SLC34A2: variants seen among roughly 807,000 people sequenced by gnomAD.
The protein encoded by SLC34A2 is sodium-dependent phosphate transport protein 2B.
In SLC34A2, 41 loss-of-function variants were observed where a neutral mutation model predicts 50.8. The ratio of observed to expected loss-of-function variants is 0.81; its 90% CI spans 0.63 to 1.05. SLC34A2 has a LOEUF of 1.05. SLC34A2 is among the 50% of genes least tolerant of loss of function. The probability of loss-of-function intolerance (pLI) is 0.00; values close to 1 mark genes in which losing one functional copy is unlikely to be tolerated. For missense variants in SLC34A2, 879 were observed against 876.7 expected, an observed-to-expected ratio of 1.00 and a Z score of -0.03; for synonymous variants, 401 against 364.2, an observed-to-expected ratio of 1.10 and a Z score of -1.15.
chr4:25,676,947 C>T lies in SLC34A2; in HGVS notation c.*198C>T. The T allele has an allele frequency of 1.5e-6, 1 of 656,242 alleles. No homozygotes were observed. The highest frequency in any genetic ancestry group is 2.7e-6 in the Non-Finnish European group (1 of 377,162). The allele number at this position is 656,242 out of a possible 1,614,324, so 40.7% of individuals were successfully genotyped here. A position where few individuals can be genotyped will look rare whatever the true frequency, so the allele number is the denominator to read the frequency against. ...GGGCACTTTTATTCCAACCCCTGGT[C>T]ACTCAGTAATCTTTTACTCCAGGAA... is the stretch of plus-strand genomic sequence containing the variant. On this transcript the variant is annotated 3_prime_UTR_variant, in exon 13 of 13. Coordinates refer to ENST00000382051, the MANE Select transcript of SLC34A2 (RefSeq NM_006424.3).
At chr4:25,665,325 C>T (rs1207582010) in intron 4 of SLC34A2, among the ~76,000 whole-genome samples, 1 of 151,970 alleles carries the variant, frequency 6.6e-6, no homozygotes, top group Non-Finnish European at 1.5e-5. Context: ...CACCACCATG[C>T]CTGGCTAATT....
In SLC34A2 at chr4:25,666,043, A is replaced by G. The variant is rs1714479406; in HGVS notation, c.380-85A>G. On this transcript the variant is annotated intron_variant, in intron 4 of 12. Transcript: ENST00000382051. ...GCAACCCACAGCCAGCTGGCCTTGGATGGAGACTTCTGTTTACTCAGTGCC... is the reference window on the plus strand; with the variant it reads ...GCAACCCACAGCCAGCTGGCCTTGGGTGGAGACTTCTGTTTACTCAGTGCC... 1.9e-6 allele frequency: 3 copies of G among 1,564,236 alleles called. No individual in the cohort carries two copies. The East Asian group carries it at 6.7e-5, about 35-fold the overall frequency.
chr4:25,667,691 G>A (rs1288816999), intron 5 of SLC34A2, among the ~76,000 whole-genome samples, 189 bp from the exon 6 acceptor site: 1 of 152,192 alleles, frequency 6.6e-6, no homozygotes. Flanking sequence ...TAGGGAGGAA[G>A]GAGGAAGCTA....
Position 25,671,586 on chromosome 4 carries a change from A to T in SLC34A2, c.928-15A>T. The stretch of plus-strand genomic sequence containing the variant: ...AAAGCCAGTGTTGTGGGCATTTGTC[A>T]TGTTTGTCATCCAGACCCAGATTAA... On this transcript the variant is annotated splice_polypyrimidine_tract_variant and intron_variant, in intron 8 of 12. Coordinates refer to ENST00000382051, the MANE Select transcript of SLC34A2 (RefSeq NM_006424.3). The T allele has an allele frequency of 6.2e-7, 1 of 1,613,944 alleles. No individual in the cohort carries two copies. The highest frequency in any genetic ancestry group is 1.1e-5 in the South Asian group (1 of 91,072).
intron 3 of SLC34A2, among the ~76,000 whole-genome samples, chr4:25,663,189 C>T (rs916823770): frequency 2.0e-5 from 3 of 152,030 alleles, no homozygotes; most frequent in East Asian, 1.9e-4. Context: ...CTCCTGACCT[C>T]GTGATCCACC....
At chr4:25,663,200 C>T (rs182967423) in intron 3 of SLC34A2, among the ~76,000 whole-genome samples, 241 of 152,214 alleles carry the variant, frequency 1.6e-3, no homozygotes, top group African/African-American at 5.5e-3. Context: ...GTGATCCACC[C>T]TCCTCGACCT....
chr4:25,662,588 G>A lies in SLC34A2; in HGVS notation c.88G>A (p.Asp30Asn). 1 of 1,614,090 alleles carries A rather than the reference G, an allele frequency of 6.2e-7. No individual in the cohort carries two copies. Among genetic ancestry groups the A allele is most frequent in the Non-Finnish European group, 8.5e-7 (1 of 1,180,016 alleles). The change falls in exon 2 of 13, where the codon GAT (aspartate) becomes AAT (asparagine). Residue 30 changes from aspartate to asparagine, a missense_variant. Asp to Asn is a conservative substitution (Grantham distance 23). Transcript: ENST00000382051. ...GAAGQQPTAP[D>N]KSKETNKTDN... ...CGCAGGTCAGCAGCCCACTGCCCCTGATAAAAGCAAAGAGACCAACAAAAG... is the reference window on the plus strand; with the variant it reads ...CGCAGGTCAGCAGCCCACTGCCCCTAATAAAAGCAAAGAGACCAACAAAAG...
intron 1 of SLC34A2, among the ~76,000 whole-genome samples, chr4:25,662,119 G>C (rs915800734): frequency 1.3e-5 from 2 of 152,220 alleles, no homozygotes; most frequent in Non-Finnish European, 2.9e-5. Context: ...TGATCCACCT[G>C]TCTTGGCCTC....
chr4:25,670,393 G>T (rs1275745602), intron 7 of SLC34A2, among the ~76,000 whole-genome samples: 7 of 152,134 alleles, frequency 4.6e-5, no homozygotes, highest in African/African-American at 1.7e-4. Context: ...GGACACTTGA[G>T]ACCACTTTGT....
Position 25,671,703 on chromosome 4 carries a change from A to G in SLC34A2, c.1030A>G (p.Lys344Glu). 2 of 1,614,202 alleles carry G rather than the reference A, an allele frequency of 1.2e-6. No individual in the cohort carries two copies. Among genetic ancestry groups the G allele is most frequent in the Non-Finnish European group, 1.7e-6 (2 of 1,180,044 alleles). ...QNWTMKNVTYKENIAKCQHIF... is the reference protein window; with the variant it reads ...QNWTMKNVTYEENIAKCQHIF... ...CTGGACCATGAAGAATGTGACCTAC[A>G]AGGAGAACATCGCCAAATGTGAGTG... is the stretch of plus-strand genomic sequence containing the variant. Residue 344 changes from lysine (K) to glutamate (E), a missense_variant, in exon 9 of 13, where the codon AAG (lysine) becomes GAG (glutamate). Coordinates refer to ENST00000382051, the MANE Select transcript of SLC34A2 (RefSeq NM_006424.3).
At chr4:25,659,365 G>C (rs563165881) in intron 1 of SLC34A2, among the ~76,000 whole-genome samples, 2 of 152,212 alleles carry the variant, frequency 1.3e-5, no homozygotes, top group African/African-American at 4.8e-5. Flanking sequence ...ACAGGCTTTG[G>C]ATTCATTTAT....
At chr4:25,673,873 G>A (rs181842586) in intron 10 of SLC34A2, among the ~76,000 whole-genome samples, 3 of 152,306 alleles carry the variant, frequency 2.0e-5, no homozygotes, top group Non-Finnish European at 4.4e-5. Context: ...CTAGTTGGGT[G>A]GAGGACTCAG....
intron 5 of SLC34A2, among the ~76,000 whole-genome samples, chr4:25,667,280 G>A (rs1307265122): frequency 2.0e-5 from 3 of 152,204 alleles, no homozygotes; most frequent in African/African-American, 7.2e-5. Context: ...GGGAGGCTGA[G>A]GTGGGAGGCT....
chr4:25,675,207 A>AT (rs776608863), intron 12 of SLC34A2, among the ~76,000 whole-genome samples: 21 of 152,086 alleles, frequency 1.4e-4, no homozygotes, highest in Non-Finnish European at 2.8e-4. Flanking sequence ...GATTTTTTGT[A>AT]TTTTTAGTAG....
At chr4:25,663,040 T>C (rs562445085) in intron 3 of SLC34A2, among the ~76,000 whole-genome samples, 198 bp downstream of exon 3, 1 of 152,006 alleles carries the variant, frequency 6.6e-6, no homozygotes, top group African/African-American at 2.4e-5. Context: ...AGTGGTGCGA[T>C]ATTGGCTCAC....
chr4:25,670,587 C>T (rs1714759097), intron 7 of SLC34A2, 151 bp from the exon 8 acceptor site: 7 of 685,278 alleles, frequency 1.0e-5, no homozygotes, highest in South Asian at 7.8e-5. Flanking sequence ...ATATCAGTGC[C>T]TCTGCAGATA....
At position 25,676,541 on chromosome 4, in the gene SLC34A2, G is replaced by C. The variant is rs1715135350; in HGVS notation, c.1865G>C (p.Cys622Ser). The C allele has an allele frequency of 6.2e-6, 10 of 1,613,376 alleles. No homozygotes were observed. The highest frequency in any genetic ancestry group is 8.5e-6 in the Non-Finnish European group (10 of 1,179,590). The part of the protein sequence containing the change: ...GCFQMRCCCC[C>S]RVCCRACCLL... ...TTCCAGATGCGCTGCTGCTGCTGCT[G>C]CCGCGTGTGCTGCCGCGCGTGCTGC... is the stretch of plus-strand genomic sequence containing the variant. Residue 622 changes from cysteine (C) to serine (S), a missense_variant, in exon 13 of 13, where the codon TGC becomes TCC. Coordinates refer to ENST00000382051, the MANE Select transcript of SLC34A2 (RefSeq NM_006424.3).
chr4:25,672,610 T>A (rs1327904380), intron 9 of SLC34A2, among the ~76,000 whole-genome samples: 1 of 152,148 alleles, frequency 6.6e-6, no homozygotes, highest in African/African-American at 2.4e-5. Context: ...AAGAATCAAG[T>A]TAACTTACCA....
At position 25,674,414 on chromosome 4, in the gene SLC34A2, T is replaced by C. The variant is rs1714998456; in HGVS notation, c.1333+2T>C. The C allele has an allele frequency of 6.2e-7, 1 of 1,614,070 alleles. No homozygotes were observed. The highest frequency in any genetic ancestry group is 1.3e-5 in the African/African-American group (1 of 74,936). ...CGTCGGCCTTGACCCCCCTGATTGG[T>C]GAGTTACACCCTGGCTTCTCCCTCT... is the stretch of plus-strand genomic sequence containing the variant. On this transcript the variant is annotated splice_donor_variant, in intron 11 of 12. Transcript: ENST00000382051. LOFTEE classifies it high-confidence loss of function.
Sources: allele counts gnomAD v4.1 joint callset (sites outside exome capture counted in the v4.1 genomes callset), GRCh38; gene constraint gnomAD v4.1.1; transcripts MANE v1.5; gene names NCBI Gene and HGNC (gene_info 2026-07-23, HGNC 2026-07-21).